Variants in HECW1 observed in about 807,000 individuals in gnomAD.
The protein encoded by HECW1 is HECT, C2 and WW domain containing E3 ubiquitin protein ligase 1.
In HECW1, 61 loss-of-function variants were observed where a neutral mutation model predicts 182.3. That is an observed-to-expected ratio of 0.33 (90% CI 0.27 to 0.41). The LOEUF (loss-of-function observed/expected upper bound fraction) is 0.41. Among genes scored for constraint, HECW1 ranks in the 10% least tolerant of loss-of-function variants. The pLI is 1.00. For synonymous variants in HECW1, 859 were observed against 832.6 expected, an observed-to-expected ratio of 1.03 and a Z score of -0.55; for missense variants, 1,739 against 2,108.9, an observed-to-expected ratio of 0.82 and a Z score of 3.44.
intron 15 of HECW1, among the ~76,000 whole-genome samples, chr7:43,467,636 C>T (rs187994397): frequency 1.3e-5 from 2 of 152,108 alleles, no homozygotes; most frequent in East Asian, 1.9e-4. Context: ...CTGATTCAAC[C>T]GCTGAGTGAG....
intron 28 of HECW1, among the ~76,000 whole-genome samples, chr7:43,553,396 A>G (rs1364751506): frequency 6.6e-6 from 1 of 152,132 alleles, no homozygotes; most frequent in Non-Finnish European, 1.5e-5. Flanking sequence ...CTGTCTGCCT[A>G]GCTGGGCATG....
At chr7:43,201,430 A>G (rs188522553) in intron 2 of HECW1, among the ~76,000 whole-genome samples, 363 of 152,372 alleles carry the variant, frequency 2.4e-3, no homozygotes, top group Non-Finnish European at 4.1e-3. Context: ...AAAAGGAGGA[A>G]GGATGCCCAG....
At chr7:43,395,461 G>A (rs557464141) in intron 6 of HECW1, among the ~76,000 whole-genome samples, 2 of 152,244 alleles carry the variant, frequency 1.3e-5, no homozygotes, top group South Asian at 4.1e-4. Context: ...AACACCTCAG[G>A]ACCTATGAGA....
At chr7:43,373,690 A>G (rs1439143636) in intron 6 of HECW1, among the ~76,000 whole-genome samples, 3 of 152,088 alleles carry the variant, frequency 2.0e-5, no homozygotes, top group Non-Finnish European at 4.4e-5. Flanking sequence ...GAGCTCAGTG[A>G]CACTGTGTGC....
chr7:43,416,446 G>A (rs1269701400), intron 8 of HECW1, among the ~76,000 whole-genome samples: 1 of 151,416 alleles, frequency 6.6e-6, no homozygotes, highest in Non-Finnish European at 1.5e-5. Flanking sequence ...GTCAGACAGG[G>A]ACATTTAAGT....
At chr7:43,180,685 G>A (rs1028190917) in intron 2 of HECW1, among the ~76,000 whole-genome samples, 2 of 152,292 alleles carry the variant, frequency 1.3e-5, no homozygotes, top group South Asian at 2.1e-4. Context: ...GTGAGCCACC[G>A]CGCCTGGCCA....
At chr7:43,326,535 G>A (rs1200303870) in intron 5 of HECW1, among the ~76,000 whole-genome samples, 1 of 152,200 alleles carries the variant, frequency 6.6e-6, no homozygotes, top group Non-Finnish European at 1.5e-5. Context: ...AAACTCAGGA[G>A]AAGTGCCCAG....
intron 2 of HECW1, among the ~76,000 whole-genome samples, chr7:43,233,773 G>T (rs1325105847): frequency 6.6e-6 from 1 of 152,156 alleles, no homozygotes; most frequent in Admixed American, 6.5e-5. Context: ...CAGTCTCAAA[G>T]CCTCCACTTG....
chr7:43,308,178 T>C (rs1434310279), intron 3 of HECW1, among the ~76,000 whole-genome samples: 1 of 104,486 alleles, frequency 9.6e-6, no homozygotes, highest in African/African-American at 4.0e-5. Flanking sequence ...AATATATTTT[T>C]ATATATTATA....
intron 5 of HECW1, among the ~76,000 whole-genome samples, chr7:43,326,642 A>G (rs575773240): frequency 6.6e-6 from 1 of 152,222 alleles, no homozygotes. Context: ...CTCTGAGAGG[A>G]AACAGGGCAG....
chr7:43,365,822 A>C (rs1416828039), intron 6 of HECW1, among the ~76,000 whole-genome samples: 1 of 152,222 alleles, frequency 6.6e-6, no homozygotes, highest in Admixed American at 6.5e-5. Flanking sequence ...GGCTGGGTGC[A>C]GTGGCTCACG....
intron 2 of HECW1, among the ~76,000 whole-genome samples, chr7:43,193,421 G>A (rs539129724): frequency 1.5e-4 from 22 of 151,720 alleles, no homozygotes; most frequent in Admixed American, 3.3e-4. Flanking sequence ...TTGCTCTGTC[G>A]CCCAGGCTGG....
At chr7:43,166,994 A>AGAGGCAT (rs1791196513) in intron 2 of HECW1, among the ~76,000 whole-genome samples, 1 of 152,254 alleles carries the variant, frequency 6.6e-6, no homozygotes, top group Admixed American at 6.5e-5. Flanking sequence ...AAGGCAGGCA[A>AGAGGCAT]GAGGCATGAC....
At chr7:43,357,972 T>G (rs925634756) in intron 5 of HECW1, among the ~76,000 whole-genome samples, 4 of 152,240 alleles carry the variant, frequency 2.6e-5, no homozygotes, top group African/African-American at 9.6e-5. Flanking sequence ...GCTCAAAATA[T>G]GCACTGATCT....
At chr7:43,359,460 G>C (rs1815593501) in intron 5 of HECW1, among the ~76,000 whole-genome samples, 1 of 152,140 alleles carries the variant, frequency 6.6e-6, no homozygotes, top group Admixed American at 6.6e-5. Context: ...TCAGAGAAAA[G>C]CCTGAATTTC....
rs371238353 is a variant in HECW1 at position 43,450,884 on chromosome 7, C to G, written c.2455C>G (p.Pro819Ala). 1 of 1,613,424 alleles carries G rather than the reference C, an allele frequency of 6.2e-7. No homozygotes were observed. Among genetic ancestry groups the G allele is most frequent in the African/African-American group, 1.3e-5 (1 of 74,906 alleles). ...AGTAAGCCAGCTTCCTTCCCTGAGG[C>G]CTGAACATCATCACTACCCAACAAT... The part of the protein sequence containing the change: ...QPVSQLPSLR[P>A]EHHHYPTIDE... Residue 819 changes from proline (P) to alanine (A), a missense_variant, in exon 12 of 30, where the codon CCT becomes GCT. Physicochemically the swap from Pro to Ala is conservative, Grantham distance 27 (BLOSUM62 -1). Transcript: ENST00000395891.
intron 7 of HECW1, 123 bp downstream of exon 7, chr7:43,397,012 A>C (rs549317454): frequency 1.4e-6 from 1 of 733,432 alleles, no homozygotes; most frequent in African/African-American, 1.7e-5. Flanking sequence ...CAATTTCTCA[A>C]TCTGTAAAGC....
intron 2 of HECW1, among the ~76,000 whole-genome samples, chr7:43,237,990 C>T (rs1584115247): frequency 6.6e-6 from 1 of 152,292 alleles, no homozygotes; most frequent in East Asian, 1.9e-4. Context: ...TTGCATAATT[C>T]TGCCCCATCA....
At chr7:43,459,930 A>G (rs2077525773) in intron 13 of HECW1, among the ~76,000 whole-genome samples, 1 of 152,192 alleles carries the variant, frequency 6.6e-6, no homozygotes, top group African/African-American at 2.4e-5. Context: ...AGTTAGTTTC[A>G]TATTCTTTTT....
Sources: allele counts gnomAD v4.1 joint callset (sites outside exome capture counted in the v4.1 genomes callset), GRCh38; gene constraint gnomAD v4.1.1; transcripts MANE v1.5; gene names NCBI Gene and HGNC (gene_info 2026-07-23, HGNC 2026-07-21).